Variants in GOLGA4 observed in about 807,000 individuals in gnomAD.
GOLGA4 encodes golgin subfamily A member 4.
Under a neutral mutation model 265.9 loss-of-function variants are expected in GOLGA4, and 169 were observed. The observed-to-expected ratio is 0.64, with a 90% CI of 0.56 to 0.72. The LOEUF is 0.72. Among genes scored for constraint, GOLGA4 ranks in the 30% least tolerant of loss-of-function variants. The pLI, the probability that GOLGA4 is intolerant of heterozygous loss-of-function variation, is 0.00. For missense variants in GOLGA4, 2,482 were observed against 2,483.4 expected, an observed-to-expected ratio of 1.00 and a Z score of 0.01; for synonymous variants, 923 against 855.8, an observed-to-expected ratio of 1.08 and a Z score of -1.37.
At chr3:37,260,157 T>TAA (rs11359349) in intron 2 of GOLGA4, among the ~76,000 whole-genome samples, 2 of 124,074 alleles carry the variant, frequency 1.6e-5, no homozygotes, top group Admixed American at 8.4e-5. Context: ...GTTGATGAGC[T>TAA]AAAAAAAAAA....
Position 37,325,656 on chromosome 3 carries a change from C to T in GOLGA4, c.3770C>T (p.Thr1257Ile). Residue 1257 changes from threonine (T) to isoleucine (I), a missense_variant, in exon 14 of 24, where the codon ACA becomes ATA. Thr to Ile is a moderately conservative substitution (Grantham distance 89, BLOSUM62 -1). Coordinates refer to ENST00000361924, the MANE Select transcript of GOLGA4 (RefSeq NM_002078.5). Reference sequence around the variant, plus strand: ...AGGATTTCTCATTGTCAGCACCGTACAACTAAAGTTAAGGAGGCACTGTTA... The same window carrying T: ...AGGATTTCTCATTGTCAGCACCGTATAACTAAAGTTAAGGAGGCACTGTTA... ...LSRISHCQHR[T>I]TKVKEALLIK... 6.2e-7 allele frequency: 1 copy of T among 1,613,856 alleles called. No homozygotes were observed.
intron 2 of GOLGA4, among the ~76,000 whole-genome samples, chr3:37,271,465 G>T (rs1196744486): frequency 2.0e-5 from 3 of 152,082 alleles, no homozygotes; most frequent in African/African-American, 7.2e-5. Context: ...GTCTTTATTA[G>T]GGAAAAGTTG....
intron 19 of GOLGA4, among the ~76,000 whole-genome samples, chr3:37,339,352 T>C (rs2097025139): frequency 6.6e-6 from 1 of 152,234 alleles, no homozygotes; most frequent in South Asian, 2.1e-4. Context: ...ACAGTGCTAC[T>C]AAAAACATTG....
Position 37,324,804 on chromosome 3 carries a change from A to T in GOLGA4, c.2918A>T (p.Lys973Ile). The T allele has an allele frequency of 6.3e-7, 1 of 1,585,382 alleles. No homozygotes were observed. Among genetic ancestry groups the T allele is most frequent in the Non-Finnish European group, 8.5e-7 (1 of 1,173,118 alleles). ...AKEMQETLKK[K>I]LLDQEAKLKK... is the part of the protein sequence containing the mutation. ...GAGATGCAAGAAACGTTAAAGAAAA[A>T]ATTACTGGATCAGGAAGCCAAACTT... Residue 973 changes from lysine to isoleucine, a missense_variant, in exon 14 of 24, where the codon AAA becomes ATA. Lys to Ile is a moderately radical substitution (Grantham distance 102, BLOSUM62 -3). Around this residue, in one of 3 missense-constraint regions of GOLGA4, gnomAD observed 1,536 missense variants for 1,483.7 expected, o/e 1.04. Transcript: ENST00000361924.
chr3:37,323,884 C>A lies in GOLGA4; in HGVS notation c.1998C>A (p.Ala666=), dbSNP rs889129417. Residue 666 remains alanine (A), a synonymous_variant, in exon 14 of 24, where the codon GCC becomes GCA. Coordinates refer to ENST00000361924, the MANE Select transcript of GOLGA4 (RefSeq NM_002078.5). ...AAGACAAAGAGATTATCTTCCAGGC[C>A]CACATAGAAGAAATGAATGAAAAGA... ...LLKDKEIIFQ[A]HIEEMNEKTL... 7 of 1,612,762 alleles carry A rather than the reference C, an allele frequency of 4.3e-6. No individual in the cohort carries two copies. In the South Asian group the frequency reaches 6.6e-5, roughly 15 times the overall value.
Position 37,309,773 on chromosome 3 carries a change from T to C in GOLGA4, c.1235-5647T>C, listed in dbSNP as rs1347678207. On this transcript the variant is annotated intron_variant, in intron 10 of 23. Coordinates refer to ENST00000361924, the MANE Select transcript of GOLGA4 (RefSeq NM_002078.5). ...TTTCTGCATTTAATCCGTTGTGATG[T>C]ATTATTTTGGTTGAAATATGGGAAG... Among the ~76,000 whole-genome samples, 3 of 152,250 alleles carry C rather than the reference T, an allele frequency of 2.0e-5. No individual in the cohort carries two copies. The East Asian group carries it at 5.8e-4, about 29-fold the overall frequency.
At chr3:37,279,907 C>CA (rs745389415) in intron 2 of GOLGA4, among the ~76,000 whole-genome samples, 11,484 of 135,576 alleles carry the variant, frequency 0.085, 478 homozygotes, top group Non-Finnish European at 0.097. Flanking sequence ...ACTATTGTCT[C>CA]AAAAAAAAAA....
chr3:37,320,972 C>T (rs959717638), intron 12 of GOLGA4, among the ~76,000 whole-genome samples: 1 of 152,120 alleles, frequency 6.6e-6, no homozygotes, highest in African/African-American at 2.4e-5. Context: ...GGTACAAAAT[C>T]TTTCCTTAAT....
In GOLGA4 at chr3:37,352,975, T is replaced by C. The variant is rs76496359; in HGVS notation, c.6577-2126T>C. On this transcript the variant is annotated intron_variant, in intron 21 of 23. Coordinates refer to ENST00000361924, the MANE Select transcript of GOLGA4 (RefSeq NM_002078.5). ...GTGAGAGGCATGCGAGTCTTCCTTT[T>C]ACTTGCATACTTACAGACCATTGTA... 4.1e-3 allele frequency among the ~76,000 whole-genome samples: 621 copies of C among 152,232 alleles called. 7 individuals carry two copies. The highest frequency in any genetic ancestry group is 0.014 in the African/African-American group (578 of 41,550).
At chr3:37,258,716 C>T (rs2096761349) in intron 2 of GOLGA4, among the ~76,000 whole-genome samples, 2 of 152,156 alleles carry the variant, frequency 1.3e-5, no homozygotes, top group Admixed American at 1.3e-4. Context: ...TTAGGGATTA[C>T]TGGGAAGTAT....
At chr3:37,286,310 C>T (rs1206875968) in intron 4 of GOLGA4, among the ~76,000 whole-genome samples, 2 of 150,020 alleles carry the variant, frequency 1.3e-5, no homozygotes, top group Non-Finnish European at 3.0e-5. Context: ...CCCGCCACCG[C>T]GCCCGGCTAA....
At chr3:37,345,355 G>T (rs964806167) in intron 20 of GOLGA4, among the ~76,000 whole-genome samples, 2 of 152,152 alleles carry the variant, frequency 1.3e-5, no homozygotes, top group African/African-American at 2.4e-5. Context: ...GAAACTCCAA[G>T]CAAGCTTATG....
chr3:37,278,244 G>C lies in GOLGA4; in HGVS notation c.163-3714G>C, dbSNP rs143495188. On this transcript the variant is annotated intron_variant, in intron 2 of 23. Coordinates refer to ENST00000361924, the MANE Select transcript of GOLGA4 (RefSeq NM_002078.5). ...GACAGAGTTTTGCTCTTTTTGCCCA[G>C]GCTGGAGCGTAATGGCGTGATCTCA... Among the ~76,000 whole-genome samples the C allele has an allele frequency of 3.7e-3, 554 of 150,410 alleles. 4 individuals carry two copies. Among genetic ancestry groups the C allele is most frequent in the African/African-American group, 0.013 (525 of 40,898 alleles).
At chr3:37,337,844 C>G in intron 19 of GOLGA4, 110 bp downstream of exon 19, 4 of 660,412 alleles carry the variant, frequency 6.1e-6, no homozygotes, top group Non-Finnish European at 1.1e-5. Context: ...GTCTTACACC[C>G]AGGAAATTTT....
At chr3:37,296,245 A>G (rs1187818593) in intron 7 of GOLGA4, 26 bp downstream of exon 7, 35 of 1,612,008 alleles carry the variant, frequency 2.2e-5, no homozygotes, top group Non-Finnish European at 2.5e-5. Context: ...TCAAAAGGTT[A>G]ATTTAAAAAC....
Position 37,362,226 on chromosome 3 carries a change from TTTATTTATTTATTA to T in GOLGA4, c.*33+924_*33+937del, listed in dbSNP as rs1559479433. Among the ~76,000 whole-genome samples the T allele has an allele frequency of 1.2e-3, 140 of 116,324 alleles. 2 individuals are homozygous for T. Among genetic ancestry groups the T allele is most frequent in the Non-Finnish European group, 1.4e-3 (69 of 49,714 alleles). 76.3% of individuals were successfully genotyped at this position (116,324 alleles called of 152,430 possible). ...ATTTATTTATTTATTTATTTATTTA[TTTATTTATTTATTA>T]TTTTTTTTTTTTTTGAGACGGAGTC... On this transcript the variant is annotated intron_variant, in intron 23 of 23. Transcript: ENST00000361924.
intron 1 of GOLGA4, chr3:37,243,862 C>T (rs1028586116): frequency 3.6e-6 from 2 of 548,060 alleles, no homozygotes; most frequent in African/African-American, 3.8e-5. Flanking sequence ...GGCTGGATCC[C>T]TCGTGACATT....
chr3:37,283,967 A>T (rs1014089616), intron 3 of GOLGA4, among the ~76,000 whole-genome samples: 3 of 152,166 alleles, frequency 2.0e-5, no homozygotes, highest in African/African-American at 7.2e-5. Context: ...ATGGTTGGAC[A>T]GGTTGTAGTT....
chr3:37,279,798 T>C (rs1414657502), intron 2 of GOLGA4, among the ~76,000 whole-genome samples: 1 of 151,984 alleles, frequency 6.6e-6, no homozygotes, highest in African/African-American at 2.4e-5. Flanking sequence ...TCCCAGCTAC[T>C]TGGAAGGCTG....
Sources: allele counts gnomAD v4.1 joint callset (sites outside exome capture counted in the v4.1 genomes callset), GRCh38; gene constraint gnomAD v4.1.1; regional missense constraint gnomAD v4.1.1; transcripts MANE v1.5; gene names NCBI Gene and HGNC (gene_info 2026-07-23, HGNC 2026-07-21).